UGGT1: variants seen among roughly 807,000 people sequenced by gnomAD.
UGGT1 encodes UDP-glucose glycoprotein glucosyltransferase 1, also known as UDP-glucose:glycoprotein glucosyltransferase 1.
A neutral mutation model predicts 203.9 loss-of-function variants in UGGT1; 107 were observed. That is an observed-to-expected ratio of 0.52 (90% CI 0.45 to 0.62). UGGT1 has a LOEUF of 0.62. UGGT1 is among the 20% of genes least tolerant of loss of function. UGGT1 has a pLI of 0.00. For synonymous variants in UGGT1, 628 were observed against 653.5 expected (o/e 0.96, Z 0.59); for missense variants, 1,673 against 1,867.2 (o/e 0.90, Z 1.92).
intron 14 of UGGT1, 74 bp downstream of exon 14, chr2:128,133,334 A>G (rs1219100698): frequency 1.3e-6 from 2 of 1,569,994 alleles, no homozygotes; most frequent in Non-Finnish European, 8.7e-7. Context: ...GTCATGTAGA[A>G]TGGTCACTTC....
At chr2:128,169,747 T>C (rs568394959) in intron 26 of UGGT1, among the ~76,000 whole-genome samples, 1 of 152,370 alleles carries the variant, frequency 6.6e-6, no homozygotes, top group African/African-American at 2.4e-5. Flanking sequence ...ATCTTTATGC[T>C]ACAGTAGTGA....
chr2:128,093,959 CTG>C (rs1183263808), intron 1 of UGGT1, among the ~76,000 whole-genome samples: 1 of 152,192 alleles, frequency 6.6e-6, no homozygotes, highest in African/African-American at 2.4e-5. Flanking sequence ...TTAGATAACA[CTG>C]TGTATGTAAA....
intron 26 of UGGT1, among the ~76,000 whole-genome samples, chr2:128,166,786 A>T (rs1177759355): frequency 6.6e-6 from 1 of 152,226 alleles, no homozygotes; most frequent in African/African-American, 2.4e-5. Flanking sequence ...GTATATACAT[A>T]TACACTGATT....
At position 128,131,773 on chromosome 2, in the gene UGGT1, G is replaced by A. The variant is rs564366769; in HGVS notation, c.1378-1368G>A. 5.9e-5 allele frequency among the ~76,000 whole-genome samples: 9 copies of A among 152,050 alleles called. No individual in the cohort carries two copies. The South Asian group carries it at 8.3e-4, about 14-fold the overall frequency. ...CTCCCGAGTAGCTGGGACTACAGGCGCACACCACCATGCCCAGCTAATTTT... is the reference window on the plus strand; with the variant it reads ...CTCCCGAGTAGCTGGGACTACAGGCACACACCACCATGCCCAGCTAATTTT... On this transcript the variant is annotated intron_variant, in intron 13 of 40. Coordinates refer to ENST00000259253, the MANE Select transcript of UGGT1 (RefSeq NM_020120.4).
chr2:128,124,275 G>T (rs1009994379), intron 11 of UGGT1, among the ~76,000 whole-genome samples: 1 of 151,842 alleles, frequency 6.6e-6, no homozygotes, highest in Non-Finnish European at 1.5e-5. Flanking sequence ...TTGATAGCTC[G>T]TTATACAATA....
Position 128,172,595 on chromosome 2 carries a change from C to G in UGGT1, c.3127C>G (p.Pro1043Ala). Residue 1043 changes from proline (P) to alanine (A), a missense_variant, in exon 29 of 41, where the codon CCA becomes GCA. This residue lies in a region of UGGT1 where 513 missense variants were observed against 684.1 expected (regional missense o/e 0.75). Transcript: ENST00000259253. The stretch of plus-strand genomic sequence containing the variant: ...CAGCTTTTACCGTTATGTCTTAGAA[C>G]CAGAGATTTCTTTCACTTCAGACAA... ...LKSFYRYVLE[P>A]EISFTSDNSF... is the part of the protein sequence containing the mutation. 2 of 1,614,058 alleles carry G rather than the reference C, an allele frequency of 1.2e-6. No individual in the cohort carries two copies. The highest frequency in any genetic ancestry group is 8.5e-7 in the Non-Finnish European group (1 of 1,180,014).
chr2:128,174,591 G>T (rs1691281536), intron 30 of UGGT1, among the ~76,000 whole-genome samples, 182 bp from the exon 31 acceptor site: 1 of 152,060 alleles, frequency 6.6e-6, no homozygotes, highest in Non-Finnish European at 1.5e-5. Flanking sequence ...GTGAGCCACC[G>T]CACCTGGTCT....
At chr2:128,171,980 G>C (rs929545347) in intron 28 of UGGT1, among the ~76,000 whole-genome samples, 1 of 152,182 alleles carries the variant, frequency 6.6e-6, no homozygotes, top group Non-Finnish European at 1.5e-5. Context: ...ACTTGCCAGT[G>C]TGCTGTGTTT....
At chr2:128,180,182 G>A (rs1242742555) in intron 35 of UGGT1, among the ~76,000 whole-genome samples, 1 of 152,206 alleles carries the variant, frequency 6.6e-6, no homozygotes, top group Non-Finnish European at 1.5e-5. Context: ...AAAGCACAGC[G>A]ATGGTTTACA....
rs567684429 is a variant in UGGT1, at chr2:128,091,816, A to G, written c.58+401A>G. Among the ~76,000 whole-genome samples, 60 of 152,310 alleles carry G rather than the reference A, an allele frequency of 3.9e-4. No individual in the cohort carries two copies. In the Middle Eastern group the frequency reaches 0.02, roughly 52 times the overall value. ...AAAATAGATTTCAATTTTTCCTAAA[A>G]TGAATTCGGGTTGATGCGTATTGGT... On this transcript the variant is annotated intron_variant, in intron 1 of 40. Coordinates refer to ENST00000259253, the MANE Select transcript of UGGT1 (RefSeq NM_020120.4).
intron 38 of UGGT1, among the ~76,000 whole-genome samples, chr2:128,186,022 G>A (rs909340331): frequency 6.6e-6 from 1 of 152,148 alleles, no homozygotes; most frequent in African/African-American, 2.4e-5. Flanking sequence ...ACAGAAGCCT[G>A]CAAAATTTAC....
rs1691525132 is a variant in UGGT1 at position 128,178,683 on chromosome 2, A to G, written c.3815+114A>G. 3.0e-5 allele frequency: 26 copies of G among 865,724 alleles called. No homozygotes were observed. The South Asian group carries it at 3.8e-4, about 13-fold the overall frequency. The allele number at this position is 865,724 out of a possible 1,614,324, so 53.6% of individuals were successfully genotyped here. A position where few individuals can be genotyped will look rare whatever the true frequency, so the allele number is the denominator to read the frequency against. ...CATTATACTCCTGTGTCTTTGAAGC[A>G]CTCTGAGCATTGTGACTGGCTTGCC... On this transcript the variant is annotated intron_variant, in intron 34 of 40. Coordinates refer to ENST00000259253, the MANE Select transcript of UGGT1 (RefSeq NM_020120.4).
chr2:128,124,359 G>C (rs1688516178), intron 11 of UGGT1, among the ~76,000 whole-genome samples: 1 of 152,196 alleles, frequency 6.6e-6, no homozygotes, highest in African/African-American at 2.4e-5. Context: ...TGGAATTTTA[G>C]TTTCCATTGT....
rs768331775 is a variant in UGGT1 at position 128,107,942 on chromosome 2, C to T, written c.282C>T (p.Thr94=). The change falls in exon 4 of 41, where the codon ACC becomes ACT. Residue 94 remains threonine (T), a synonymous_variant. Coordinates refer to ENST00000259253, the MANE Select transcript of UGGT1 (RefSeq NM_020120.4). The stretch of plus-strand genomic sequence containing the variant: ...GTTAATGTTCTTCCTTGACAGGTAC[C>T]GATTATTCCTACTATCATGCAATAT... The part of the protein sequence containing the change: ...QNIGSSDHDG[T]DYSYYHAILE... 2.4e-5 allele frequency: 38 copies of T among 1,613,944 alleles called. No individual in the cohort carries two copies. The highest frequency in any genetic ancestry group is 9.9e-5 in the South Asian group (9 of 91,076).
At chr2:128,097,610 A>G (rs758957931) in intron 2 of UGGT1, 46 bp downstream of exon 2, 11 of 1,597,768 alleles carry the variant, frequency 6.9e-6, no homozygotes, top group Non-Finnish European at 9.4e-6. Flanking sequence ...GTATAAATAT[A>G]GGCTCTGACA....
rs769213372 is a variant in UGGT1, at chr2:128,164,840, T to C, written c.2921+15T>C. The stretch of plus-strand genomic sequence containing the variant: ...GACAGACACAGGTATAGAATTAATG[T>C]TGAATTTGTGCATATTCTTGAATAT... On this transcript the variant is annotated intron_variant, in intron 26 of 40. Transcript: ENST00000259253. The C allele has an allele frequency of 3.8e-6, 6 of 1,569,962 alleles. No individual in the cohort carries two copies. The highest frequency in any genetic ancestry group is 1.4e-5 in the African/African-American group (1 of 72,602).
intron 40 of UGGT1, among the ~76,000 whole-genome samples, chr2:128,187,951 T>C (rs941173916): frequency 8.6e-5 from 13 of 152,020 alleles, no homozygotes; most frequent in African/African-American, 3.1e-4. Flanking sequence ...TTGTTTTTTT[T>C]TTCATTAAAT....
chr2:128,128,267 C>T (rs1688699778), intron 12 of UGGT1, among the ~76,000 whole-genome samples: 1 of 151,366 alleles, frequency 6.6e-6, no homozygotes, highest in Non-Finnish European at 1.5e-5. Context: ...GAGATGGAGT[C>T]TCAAAAGAAA....
chr2:128,195,434 G>C lies in UGGT1; in HGVS notation c.*5692G>C, dbSNP rs574582401. On this transcript the variant is annotated 3_prime_UTR_variant, in exon 41 of 41. Coordinates refer to ENST00000259253, the MANE Select transcript of UGGT1 (RefSeq NM_020120.4). ...AATAATAAAATAAAGGTGGGAAAAT[G>C]TTATAATTTTTAAGGAAACTGTGTA... 1 of 152,314 alleles carries C rather than the reference G, an allele frequency of 6.6e-6. No individual in the cohort carries two copies. The highest frequency in any genetic ancestry group is 2.4e-5 in the African/African-American group (1 of 41,566). 9.4% of individuals were successfully genotyped at this position (152,314 alleles called of 1,614,324 possible).
Sources: allele counts gnomAD v4.1 joint callset (sites outside exome capture counted in the v4.1 genomes callset), GRCh38; gene constraint gnomAD v4.1.1; regional missense constraint gnomAD v4.1.1; transcripts MANE v1.5; gene names NCBI Gene and HGNC (gene_info 2026-07-23, HGNC 2026-07-21).